The following DIAPH3 variants were observed in gnomAD, a reference collection of about 807,000 sequenced individuals.
The protein encoded by DIAPH3 is protein diaphanous homolog 3.
DIAPH3 carries 117 observed loss-of-function variants against 144.3 expected under a neutral mutation model. That is an observed-to-expected ratio of 0.81 (90% confidence interval 0.70 to 0.95). The LOEUF (loss-of-function observed/expected upper bound fraction) is 0.95, where lower values mean the gene tolerates loss of function less well. Among genes scored for constraint, DIAPH3 ranks in the 40% least tolerant of loss-of-function variants. The pLI is 0.00. For synonymous variants in DIAPH3, 519 were observed against 488.9 expected, an observed-to-expected ratio of 1.06 and a Z score of -0.81; for missense variants, 1,421 against 1,412.7, an observed-to-expected ratio of 1.01 and a Z score of -0.09.
intron 1 of DIAPH3, among the ~76,000 whole-genome samples, chr13:60,162,783 ACTCTCTCTCTCT>A (rs148955859): frequency 6.8e-5 from 9 of 132,968 alleles, no homozygotes; most frequent in African/African-American, 1.4e-4. Flanking sequence ...CAAATGCTGT[ACTCTCTCTCTCT>A]CTCTCTCTCT....
rs539748255 is a variant in DIAPH3, at chr13:59,879,403, C to G, written c.2433G>C (p.Glu811Asp). Residue 811 changes from glutamate (E) to aspartate (D), a missense_variant, in exon 21 of 28, where the codon GAG (glutamate) becomes GAC (aspartate). By Grantham distance (45) the Glu-to-Asp change is conservative. Transcript: ENST00000400324. ...TGTCAGGTTTGATGTTGTTCACCTG[C>G]TCTTCAAACTGAAGCTTAAAGAGAA... is the stretch of plus-strand genomic sequence containing the variant. Reference protein sequence around the residue: ...SAILFKLQFEEQVNNIKPDIM... With the variant: ...SAILFKLQFEDQVNNIKPDIM... The G allele has an allele frequency of 4.5e-5, 72 of 1,613,866 alleles. No homozygotes were observed. The South Asian group carries it at 6.4e-4, about 14-fold the overall frequency.
intron 8 of DIAPH3, among the ~76,000 whole-genome samples, chr13:60,009,086 C>A (rs1458610381): frequency 1.3e-5 from 2 of 152,068 alleles, no homozygotes; most frequent in African/African-American, 2.4e-5. Flanking sequence ...TGGTGGGCAC[C>A]ATATAAATGC....
chr13:59,772,245 A>G (rs2038162400), intron 27 of DIAPH3, among the ~76,000 whole-genome samples: 1 of 152,114 alleles, frequency 6.6e-6, no homozygotes, highest in Non-Finnish European at 1.5e-5. Flanking sequence ...CAAATCCTGC[A>G]TTTTTGAACA....
chr13:60,124,372 T>A (rs984637163), intron 2 of DIAPH3, among the ~76,000 whole-genome samples: 2 of 152,176 alleles, frequency 1.3e-5, no homozygotes, highest in African/African-American at 2.4e-5. Context: ...TACAGAGAAA[T>A]TTTTCCATGT....
At chr13:59,788,903 T>G (rs1472828521) in intron 25 of DIAPH3, among the ~76,000 whole-genome samples, 1 of 152,186 alleles carries the variant, frequency 6.6e-6, no homozygotes, top group Non-Finnish European at 1.5e-5. Context: ...ACTTAATCAT[T>G]TTTCCAGTGG....
intron 4 of DIAPH3, among the ~76,000 whole-genome samples, chr13:60,061,550 A>G (rs1241739391): frequency 6.7e-6 from 1 of 149,356 alleles, no homozygotes; most frequent in Admixed American, 6.8e-5. Context: ...AAAAAAAAAA[A>G]TCAAGAAAGA....
intron 4 of DIAPH3, among the ~76,000 whole-genome samples, chr13:60,047,622 A>C (rs1248858984): frequency 6.6e-6 from 1 of 152,178 alleles, no homozygotes; most frequent in African/African-American, 2.4e-5. Context: ...CATATGAAAG[A>C]AAGTGAACCT....
chr13:59,704,307 G>A (rs540900582), intron 27 of DIAPH3, among the ~76,000 whole-genome samples: 103 of 152,130 alleles, frequency 6.8e-4, no homozygotes, highest in Non-Finnish European at 1.4e-3. Flanking sequence ...TCAATCTCTC[G>A]CCTTGGCAGC....
chr13:59,975,702 G>C (rs1211338866), intron 14 of DIAPH3, among the ~76,000 whole-genome samples: 1 of 151,942 alleles, frequency 6.6e-6, no homozygotes, highest in Non-Finnish European at 1.5e-5. Flanking sequence ...AAGAAATACT[G>C]CTTTAATTCC....
At chr13:59,998,105 G>A (rs1447059503) in intron 9 of DIAPH3, among the ~76,000 whole-genome samples, 1 of 152,034 alleles carries the variant, frequency 6.6e-6, no homozygotes, top group Non-Finnish European at 1.5e-5. Context: ...TGCCTCTAGT[G>A]TAAATAGAGA....
At chr13:59,692,950 T>C (rs2033613691) in intron 27 of DIAPH3, among the ~76,000 whole-genome samples, 1 of 152,010 alleles carries the variant, frequency 6.6e-6, no homozygotes, top group Non-Finnish European at 1.5e-5. Flanking sequence ...AAACAAATAA[T>C]CAAACAAATA....
At chr13:59,983,406 AAGGGTC>A (rs2051159118) in intron 13 of DIAPH3, among the ~76,000 whole-genome samples, 1 of 151,588 alleles carries the variant, frequency 6.6e-6, no homozygotes, top group South Asian at 2.1e-4. Flanking sequence ...GTGTGTATAC[AAGGGTC>A]AGGCTTTAAT....
rs182233879 is a variant in DIAPH3 at position 59,830,967 on chromosome 13, C to A, written c.3027+2140G>T. 1.3e-4 allele frequency among the ~76,000 whole-genome samples: 20 copies of A among 151,840 alleles called. No homozygotes were observed. In the East Asian group the frequency reaches 3.9e-3, roughly 29 times the overall value. On this transcript the variant is annotated intron_variant, in intron 24 of 27. Coordinates refer to ENST00000400324, the MANE Select transcript of DIAPH3 (RefSeq NM_001042517.2). ...ACAAACTGTAGAATACAAGAGGCAG[C>A]ATGACATAATGTTTAAGAGTTAGGG... is the stretch of plus-strand genomic sequence containing the variant.
chr13:60,029,375 C>A (rs2054620317), intron 5 of DIAPH3, among the ~76,000 whole-genome samples: 1 of 152,118 alleles, frequency 6.6e-6, no homozygotes, highest in South Asian at 2.1e-4. Flanking sequence ...ACTCTCTCCT[C>A]CCTTCAATCA....
In DIAPH3 at chr13:59,924,759, G is replaced by A. The variant is rs1396806403; in HGVS notation, c.2170+16C>T. ...ATTTCCACTGTCTTTGAATGGTATT[G>A]GAATATGATACTTACAAAGGTTCTG... On this transcript the variant is annotated intron_variant, in intron 18 of 27. Transcript: ENST00000400324. The A allele has an allele frequency of 6.3e-7, 1 of 1,596,622 alleles. No homozygotes were observed. Among genetic ancestry groups the A allele is most frequent in the Non-Finnish European group, 8.6e-7 (1 of 1,168,338 alleles).
At chr13:59,872,225 T>C (rs1449509591) in intron 21 of DIAPH3, among the ~76,000 whole-genome samples, 1 of 152,214 alleles carries the variant, frequency 6.6e-6, no homozygotes, top group Non-Finnish European at 1.5e-5. Flanking sequence ...AATTTCCCTG[T>C]GAGCACTGCT....
intron 1 of DIAPH3, among the ~76,000 whole-genome samples, chr13:60,136,797 G>A (rs1365161212): frequency 2.6e-5 from 4 of 152,042 alleles, no homozygotes; most frequent in African/African-American, 9.7e-5. Flanking sequence ...AAAATTAGCC[G>A]GGCGTGGTGG....
At chr13:60,124,646 T>C (rs2058938525) in intron 2 of DIAPH3, among the ~76,000 whole-genome samples, 1 of 151,998 alleles carries the variant, frequency 6.6e-6, no homozygotes, top group Admixed American at 6.6e-5. Context: ...AAGCGGACAA[T>C]ATTAAGATAC....
intron 9 of DIAPH3, among the ~76,000 whole-genome samples, chr13:60,001,133 G>A (rs1416410914): frequency 1.3e-5 from 2 of 152,166 alleles, no homozygotes; most frequent in Non-Finnish European, 2.9e-5. Flanking sequence ...TCTCTCCAGA[G>A]CAAAGAGCAG....
Sources: allele counts gnomAD v4.1 joint callset (sites outside exome capture counted in the v4.1 genomes callset), GRCh38; gene constraint gnomAD v4.1.1; transcripts MANE v1.5; gene names NCBI Gene and HGNC (gene_info 2026-07-23, HGNC 2026-07-21).